The following TXNDC16 variants were observed in gnomAD, a reference collection of about 807,000 sequenced individuals.
TXNDC16 encodes thioredoxin domain-containing protein 16.
In TXNDC16, 74 loss-of-function variants were observed where a neutral mutation model predicts 85.6. That is an observed-to-expected ratio of 0.86 (90% CI 0.72 to 1.05). The LOEUF is 1.05. TXNDC16 is among the 50% of genes least tolerant of loss of function. TXNDC16 has a pLI of 0.00. For missense variants in TXNDC16, 959 were observed against 947.0 expected, an observed-to-expected ratio of 1.01 and a Z score of -0.17; for synonymous variants, 335 against 326.5, an observed-to-expected ratio of 1.03 and a Z score of -0.28.
chr14:52,482,863 G>A lies in TXNDC16; in HGVS notation c.1211C>T (p.Thr404Ile), dbSNP rs148643190. ...VELTEETFNA[T>I]VMASDSIVLF... ...TACTATGCTGTCAGAAGCCATCACT[G>A]TTGCATTAAATGTTTCTTCTGTTAG... Residue 404 changes from threonine (T) to isoleucine (I), a missense_variant, in exon 13 of 21, where the codon ACA becomes ATA. Coordinates refer to ENST00000281741, the MANE Select transcript of TXNDC16 (RefSeq NM_020784.3). 2.4e-5 allele frequency: 38 copies of A among 1,612,000 alleles called. No homozygotes were observed. In the African/African-American group the frequency reaches 3.7e-4, roughly 16 times the overall value.
intron 14 of TXNDC16, among the ~76,000 whole-genome samples, chr14:52,479,652 C>T (rs754043988): frequency 1.8e-4 from 28 of 152,032 alleles, no homozygotes; most frequent in South Asian, 4.2e-4. Context: ...CTACAAAACA[C>T]TGCTGAAAGA....
chr14:52,528,471 T>C (rs894479488), intron 6 of TXNDC16, among the ~76,000 whole-genome samples: 5 of 152,086 alleles, frequency 3.3e-5, no homozygotes, highest in African/African-American at 7.2e-5. Context: ...ATGTATGTCA[T>C]TGAATTTTTG....
intron 6 of TXNDC16, among the ~76,000 whole-genome samples, chr14:52,530,491 AT>A (rs2037526082): frequency 2.4e-5 from 1 of 42,332 alleles, no homozygotes; most frequent in African/African-American, 8.2e-5. Context: ...ATAATATTAT[AT>A]ATAATAATAT....
At chr14:52,463,056 A>T (rs1446277326) in intron 16 of TXNDC16, 2 of 445,862 alleles carry the variant, frequency 4.5e-6, no homozygotes, top group African/African-American at 4.0e-5. Context: ...ACTACCTACA[A>T]TATTGCCATT....
chr14:52,529,336 G>T (rs370251071), intron 6 of TXNDC16, among the ~76,000 whole-genome samples: 171 of 150,622 alleles, frequency 1.1e-3, no homozygotes, highest in East Asian at 3.9e-4. Flanking sequence ...GTGGGAGGAG[G>T]GGGGAGGGAT....
chr14:52,539,626 T>C (rs1036281195), intron 4 of TXNDC16, among the ~76,000 whole-genome samples: 2 of 152,190 alleles, frequency 1.3e-5, no homozygotes, highest in African/African-American at 2.4e-5. Flanking sequence ...TAGGAGGCTA[T>C]TGTGGTTTCC....
At chr14:52,506,526 C>G (rs868818561) in intron 9 of TXNDC16, among the ~76,000 whole-genome samples, 5 of 126,978 alleles carry the variant, frequency 3.9e-5, no homozygotes, top group Non-Finnish European at 4.7e-5. Flanking sequence ...TTTCAACAAC[C>G]CTTTTTTTTT....
intron 6 of TXNDC16, among the ~76,000 whole-genome samples, chr14:52,536,350 AGTTGTTTATAAGCTACCCAGTTTCATT>A (rs2037700315): frequency 6.6e-6 from 1 of 152,212 alleles, no homozygotes; most frequent in African/African-American, 2.4e-5. Context: ...TAAATTTCAC[AGTTGTTTATAAGCTACCCAGTTTCATT>A]GTTGTTTATA....
chr14:52,467,258 TAAAGGGTTAAAAACTTTTAAA>T (rs761698837), intron 16 of TXNDC16, among the ~76,000 whole-genome samples: 1 of 151,888 alleles, frequency 6.6e-6, no homozygotes, highest in Non-Finnish European at 1.5e-5. Context: ...CTAAAATATC[TAAAGGGTTAAAAACTTTTAAA>T]AAAGGGAAAA....
intron 6 of TXNDC16, among the ~76,000 whole-genome samples, chr14:52,531,020 C>G (rs1427515137): frequency 6.6e-6 from 1 of 151,812 alleles, no homozygotes; most frequent in East Asian, 1.9e-4. Context: ...AAAAATGAAC[C>G]AAAGACCTTG....
At chr14:52,509,003 T>C (rs1369241128) in intron 9 of TXNDC16, among the ~76,000 whole-genome samples, 2 of 152,126 alleles carry the variant, frequency 1.3e-5, no homozygotes, top group East Asian at 1.9e-4. Context: ...CATGTATATA[T>C]ATGTAACAAA....
At chr14:52,541,662 TTAAGAAAAAATG>T (rs1400636664) in intron 4 of TXNDC16, among the ~76,000 whole-genome samples, 4 of 152,134 alleles carry the variant, frequency 2.6e-5, no homozygotes, top group Non-Finnish European at 2.9e-5. Context: ...GGCTAATGAA[TTAAGAAAAAATG>T]TACACAGAAA....
At position 52,455,254 on chromosome 14, in the gene TXNDC16, T is replaced by C. The variant is rs1272594221; in HGVS notation, c.1842+70A>G. The stretch of plus-strand genomic sequence containing the variant: ...CCAGCAAAAAATGGAAAAATGTGTA[T>C]GAACATATACTACCTTTGACTGATC... On this transcript the variant is annotated intron_variant, in intron 18 of 20. Coordinates refer to ENST00000281741, the MANE Select transcript of TXNDC16 (RefSeq NM_020784.3). The C allele has an allele frequency of 2.6e-6, 4 of 1,564,908 alleles. No individual in the cohort carries two copies. The African/African-American group carries it at 4.1e-5, about 16-fold the overall frequency.
At chr14:52,548,942 G>C (rs775479466) in intron 1 of TXNDC16, among the ~76,000 whole-genome samples, 2 of 152,182 alleles carry the variant, frequency 1.3e-5, no homozygotes, top group African/African-American at 2.4e-5. Context: ...TGTTTCCACA[G>C]TATAACCCAG....
intron 16 of TXNDC16, among the ~76,000 whole-genome samples, chr14:52,462,067 T>C (rs2035664265): frequency 6.6e-6 from 1 of 152,238 alleles, no homozygotes; most frequent in Admixed American, 6.5e-5. Flanking sequence ...ACTTTGAAAC[T>C]AGATTTACCA....
intron 11 of TXNDC16, among the ~76,000 whole-genome samples, chr14:52,488,947 G>C (rs1428716164): frequency 6.6e-6 from 1 of 150,824 alleles, no homozygotes; most frequent in Non-Finnish European, 1.5e-5. Context: ...CAAAATTACT[G>C]TGAAAAGAAA....
intron 6 of TXNDC16, among the ~76,000 whole-genome samples, chr14:52,530,331 TTATA>T (rs1420785452): frequency 2.3e-5 from 1 of 42,616 alleles, no homozygotes; most frequent in African/African-American, 1.0e-4. Context: ...TATTTTTATA[TTATA>T]TATAATTATA....
intron 14 of TXNDC16, among the ~76,000 whole-genome samples, chr14:52,475,580 C>G (rs2036002521): frequency 6.6e-6 from 1 of 152,064 alleles, no homozygotes. Context: ...CTGCATGACA[C>G]AGCAAAGACA....
chr14:52,474,007 A>G (rs1176520671), intron 14 of TXNDC16, among the ~76,000 whole-genome samples: 2 of 152,224 alleles, frequency 1.3e-5, no homozygotes. Context: ...CTTCCAAAAT[A>G]GTCCATTTAT....
Sources: allele counts gnomAD v4.1 joint callset (sites outside exome capture counted in the v4.1 genomes callset), GRCh38; gene constraint gnomAD v4.1.1; transcripts MANE v1.5; gene names NCBI Gene and HGNC (gene_info 2026-07-23, HGNC 2026-07-21).